The following RIMS1 variants were observed in gnomAD, a reference collection of about 807,000 sequenced individuals.
The protein encoded by RIMS1 is regulating synaptic membrane exocytosis 1.
In RIMS1, 83 loss-of-function variants were observed where a neutral mutation model predicts 214.1. The observed-to-expected ratio is 0.39, with a 90% CI of 0.32 to 0.47. The LOEUF is 0.47. Ranked by LOEUF, RIMS1 falls within the 20% of genes least tolerant of loss-of-function variation. The pLI is 0.99. For synonymous variants in RIMS1, 793 were observed against 786.8 expected (o/e 1.01, Z -0.13); for missense variants, 2,050 against 2,161.8 (o/e 0.95, Z 1.03).
At chr6:72,028,015 A>G (rs1398570025) in intron 2 of RIMS1, among the ~76,000 whole-genome samples, 2 of 152,152 alleles carry the variant, frequency 1.3e-5, no homozygotes, top group Non-Finnish European at 2.9e-5. Flanking sequence ...TAGAATTCAG[A>G]TTAAAGAAAA....
At chr6:72,056,150 C>T (rs1826112314) in intron 2 of RIMS1, among the ~76,000 whole-genome samples, 1 of 151,920 alleles carries the variant, frequency 6.6e-6, no homozygotes, top group Non-Finnish European at 1.5e-5. Flanking sequence ...CCTAAGCAAA[C>T]TGACACACGA....
chr6:72,247,428 A>G (rs933422033), intron 11 of RIMS1, among the ~76,000 whole-genome samples: 2 of 151,356 alleles, frequency 1.3e-5, no homozygotes, highest in South Asian at 2.1e-4. Flanking sequence ...CCAGCTACTC[A>G]GGAGGCTGAG....
chr6:71,922,737 T>C (rs1343698879), intron 1 of RIMS1, among the ~76,000 whole-genome samples: 1 of 152,180 alleles, frequency 6.6e-6, no homozygotes, highest in Non-Finnish European at 1.5e-5. Flanking sequence ...AGTTTATTCC[T>C]ATGAGAGGAG....
At chr6:72,105,096 A>AT (rs1562320920) in intron 4 of RIMS1, among the ~76,000 whole-genome samples, 2 of 151,874 alleles carry the variant, frequency 1.3e-5, no homozygotes, top group African/African-American at 4.8e-5. Context: ...AATTAAAAAA[A>AT]ATTTTTTTTT....
chr6:72,095,401 G>C (rs2031217065), intron 2 of RIMS1, among the ~76,000 whole-genome samples: 1 of 152,118 alleles, frequency 6.6e-6, no homozygotes, highest in Non-Finnish European at 1.5e-5. Context: ...AGTATAAAAA[G>C]TTCAGTGTAT....
chr6:72,335,536 T>C (rs1485233181), intron 29 of RIMS1, among the ~76,000 whole-genome samples: 1 of 152,038 alleles, frequency 6.6e-6, no homozygotes, highest in East Asian at 1.9e-4. Flanking sequence ...TAAACATACA[T>C]GTGCATGTGT....
At chr6:72,007,989 T>C (rs1457463252) in intron 2 of RIMS1, among the ~76,000 whole-genome samples, 1 of 151,988 alleles carries the variant, frequency 6.6e-6, no homozygotes, top group African/African-American at 2.4e-5. Flanking sequence ...AAAGATACTG[T>C]TCGAGAAGAG....
chr6:72,297,873 A>G (rs2094250642), intron 26 of RIMS1, among the ~76,000 whole-genome samples: 1 of 152,026 alleles, frequency 6.6e-6, no homozygotes, highest in Non-Finnish European at 1.5e-5. Context: ...AGAAAGGAAA[A>G]GTTCACAGCA....
intron 4 of RIMS1, among the ~76,000 whole-genome samples, chr6:72,131,019 C>G (rs1202370603): frequency 6.6e-6 from 1 of 152,126 alleles, no homozygotes; most frequent in Non-Finnish European, 1.5e-5. Flanking sequence ...AGAAATTGAT[C>G]AATTTGGTTT....
chr6:72,107,903 A>T (rs2035090608), intron 4 of RIMS1, among the ~76,000 whole-genome samples: 1 of 152,216 alleles, frequency 6.6e-6, no homozygotes. Flanking sequence ...TAGATTGATC[A>T]CAAGGCCTAA....
chr6:72,321,032 G>GATAT (rs2096127427), intron 28 of RIMS1, among the ~76,000 whole-genome samples: 1 of 151,942 alleles, frequency 6.6e-6, no homozygotes, highest in African/African-American at 2.4e-5. Context: ...ATAACCAAGT[G>GATAT]CGGATTGATT....
At chr6:72,266,096 T>C in intron 22 of RIMS1, 47 bp downstream of exon 22, 1 of 1,320,864 alleles carries the variant, frequency 7.6e-7, no homozygotes, top group Non-Finnish European at 1.1e-6. Flanking sequence ...GTACTAGTGA[T>C]TTTTTTCAGT....
chr6:71,975,392 T>C (rs1210552803), intron 2 of RIMS1, among the ~76,000 whole-genome samples: 1 of 152,134 alleles, frequency 6.6e-6, no homozygotes, highest in African/African-American at 2.4e-5. Flanking sequence ...AAGTTAGAAT[T>C]TGAAGGTGAA....
intron 6 of RIMS1, chr6:72,216,947 T>G: frequency 7.5e-7 from 1 of 1,337,826 alleles, no homozygotes; most frequent in Non-Finnish European, 9.6e-7. Flanking sequence ...ATCTGTTCAC[T>G]GCAGAGATCT....
intron 4 of RIMS1, among the ~76,000 whole-genome samples, chr6:72,110,349 C>G (rs1356729206): frequency 6.6e-6 from 1 of 152,100 alleles, no homozygotes; most frequent in Admixed American, 6.6e-5. Flanking sequence ...GAATGTTCTT[C>G]CATTTGTTTG....
intron 1 of RIMS1, among the ~76,000 whole-genome samples, chr6:71,938,131 AC>A (rs1313756493): frequency 6.6e-6 from 1 of 152,196 alleles, no homozygotes; most frequent in East Asian, 1.9e-4. Flanking sequence ...TAAGTCGAAA[AC>A]CCAAGAGTGT....
At chr6:72,016,304 T>A (rs1812741589) in intron 2 of RIMS1, among the ~76,000 whole-genome samples, 1 of 152,188 alleles carries the variant, frequency 6.6e-6, no homozygotes, top group Non-Finnish European at 1.5e-5. Context: ...TATTGTTTTT[T>A]ACTCTCCATT....
At chr6:72,397,427 C>T (rs1322555185) in intron 31 of RIMS1, among the ~76,000 whole-genome samples, 6 of 152,128 alleles carry the variant, frequency 3.9e-5, no homozygotes, top group Non-Finnish European at 7.4e-5. Flanking sequence ...TGATATTAGA[C>T]ATATTGCTAA....
chr6:72,125,199 T>C (rs1453677015), intron 4 of RIMS1, among the ~76,000 whole-genome samples: 1 of 152,002 alleles, frequency 6.6e-6, no homozygotes, highest in Non-Finnish European at 1.5e-5. Flanking sequence ...TTTATGCTAT[T>C]CCTTTCTTTT....
Sources: allele counts gnomAD v4.1 joint callset (sites outside exome capture counted in the v4.1 genomes callset), GRCh38; gene constraint gnomAD v4.1.1; transcripts MANE v1.5; gene names NCBI Gene and HGNC (gene_info 2026-07-23, HGNC 2026-07-21).